The following ITPR1 variants were observed in gnomAD, a reference collection of about 807,000 sequenced individuals.
The protein encoded by ITPR1 is inositol 1,4,5-trisphosphate-gated calcium channel ITPR1.
ITPR1 carries 96 observed loss-of-function variants against 318.4 expected under a neutral mutation model. The ratio of observed to expected loss-of-function variants is 0.30; its 90% CI spans 0.26 to 0.36. The LOEUF (loss-of-function observed/expected upper bound fraction) is 0.36, where lower values mean the gene tolerates loss of function less well. ITPR1 is among the 10% of genes least tolerant of loss of function. The probability of loss-of-function intolerance (pLI) is 1.00; values close to 1 mark genes in which losing one functional copy is unlikely to be tolerated. For synonymous variants in ITPR1, 1,312 were observed against 1,289.9 expected (o/e 1.02, Z -0.37); for missense variants, 2,440 against 3,460.2 (o/e 0.71, Z 7.40).
chr3:4,662,159 G>A lies in ITPR1; in HGVS notation c.1329G>A (p.Leu443=). ...VPVSPAEVRD[L]DFANDASKVL... ...TTTCTCCTGCTGAAGTTCGGGACCT[G>A]GACTTTGCCAATGATGCCAGCAAGG... is the stretch of plus-strand genomic sequence containing the variant. Residue 443 remains leucine (L), a synonymous_variant, in exon 15 of 62, where the codon CTG becomes CTA. Coordinates refer to ENST00000649015, the MANE Select transcript of ITPR1 (RefSeq NM_001378452.1). The A allele has an allele frequency of 6.2e-7, 1 of 1,613,630 alleles. No homozygotes were observed. The highest frequency in any genetic ancestry group is 8.5e-7 in the Non-Finnish European group (1 of 1,179,636).
chr3:4,676,915 T>C, intron 24 of ITPR1, 114 bp downstream of exon 24: 1 of 724,256 alleles, frequency 1.4e-6, no homozygotes, highest in Non-Finnish European at 2.3e-6. Flanking sequence ...TGGGGGCAAA[T>C]CCTTAGCTCA....
At chr3:4,621,135 A>G (rs1026552768) in intron 4 of ITPR1, among the ~76,000 whole-genome samples, 1 of 152,068 alleles carries the variant, frequency 6.6e-6, no homozygotes, top group African/African-American at 2.4e-5. Flanking sequence ...CCATCACTGT[A>G]TTAGCGTAAT....
intron 4 of ITPR1, among the ~76,000 whole-genome samples, chr3:4,524,200 T>C (rs1478656378): frequency 6.6e-6 from 1 of 151,616 alleles, no homozygotes; most frequent in Non-Finnish European, 1.5e-5. Flanking sequence ...GCAGGCTGCC[T>C]CAGTGCTGGA....
intron 44 of ITPR1, among the ~76,000 whole-genome samples, chr3:4,756,783 C>T (rs1348348678): frequency 6.6e-6 from 1 of 152,216 alleles, no homozygotes; most frequent in Non-Finnish European, 1.5e-5. Context: ...CCAGAACCAA[C>T]TAGAATTATC....
At chr3:4,796,517 G>A (rs1224950876) in intron 53 of ITPR1, among the ~76,000 whole-genome samples, 1 of 152,186 alleles carries the variant, frequency 6.6e-6, no homozygotes, top group Non-Finnish European at 1.5e-5. Context: ...AAGTTGTCAT[G>A]TTCCTCACGG....
chr3:4,545,864 AT>A (rs1361012439), intron 4 of ITPR1, among the ~76,000 whole-genome samples: 1 of 151,668 alleles, frequency 6.6e-6, no homozygotes, highest in East Asian at 1.9e-4. Flanking sequence ...TGCTTGGCTA[AT>A]TTTTAATTTT....
chr3:4,548,456 C>T (rs980947311), intron 4 of ITPR1, among the ~76,000 whole-genome samples: 3 of 152,152 alleles, frequency 2.0e-5, no homozygotes, highest in African/African-American at 7.2e-5. Flanking sequence ...TGGCATGTGA[C>T]TTTAATTTGG....
chr3:4,735,251 A>G lies in ITPR1; in HGVS notation c.5441A>G (p.Asn1814Ser), dbSNP rs200927261. Reference sequence around the variant, plus strand: ...CACCTTGACAAGGAGGGGGCTTCCAATCTAGTTATCGACCTCATCATGAAC... The same window carrying G: ...CACCTTGACAAGGAGGGGGCTTCCAGTCTAGTTATCGACCTCATCATGAAC... ...QCHLDKEGASNLVIDLIMNAS... is the reference protein window; with the variant it reads ...QCHLDKEGASSLVIDLIMNAS... Residue 1814 changes from asparagine to serine, a missense_variant, in exon 44 of 62, where the codon AAT becomes AGT. Transcript: ENST00000649015. 8.8e-5 allele frequency: 142 copies of G among 1,613,808 alleles called. No homozygotes were observed. In the Admixed American group the frequency reaches 1.0e-3, roughly 11 times the overall value.
intron 54 of ITPR1, 143 bp from the exon 55 acceptor site, chr3:4,805,960 C>G: frequency 4.7e-6 from 3 of 636,848 alleles, no homozygotes; most frequent in Non-Finnish European, 7.9e-6. Context: ...TGGGTCTTGG[C>G]GGGTTTGGTG....
intron 52 of ITPR1, among the ~76,000 whole-genome samples, chr3:4,791,864 G>T (rs965507336): frequency 4.3e-4 from 65 of 152,324 alleles, no homozygotes; most frequent in African/African-American, 1.4e-3. Flanking sequence ...AGAGATTGGG[G>T]GATGGGGAGA....
intron 24 of ITPR1, among the ~76,000 whole-genome samples, chr3:4,679,397 C>T (rs531326582): frequency 6.6e-6 from 1 of 152,314 alleles, no homozygotes; most frequent in Non-Finnish European, 1.5e-5. Context: ...TGGTGTGATT[C>T]AGCCTGAGTC....
intron 4 of ITPR1, among the ~76,000 whole-genome samples, chr3:4,571,364 A>G (rs1269743515): frequency 6.6e-6 from 1 of 151,740 alleles, no homozygotes; most frequent in African/African-American, 2.4e-5. Flanking sequence ...TTCTTTGGAA[A>G]GGGTCTTGCT....
chr3:4,619,346 C>T (rs1470787208), intron 4 of ITPR1, among the ~76,000 whole-genome samples: 1 of 152,180 alleles, frequency 6.6e-6, no homozygotes, highest in Non-Finnish European at 1.5e-5. Context: ...TCCATACCTT[C>T]AGTTTCTTTT....
At chr3:4,759,093 T>G (rs574210256) in intron 44 of ITPR1, among the ~76,000 whole-genome samples, 99 of 152,338 alleles carry the variant, frequency 6.5e-4, no homozygotes, top group African/African-American at 2.2e-3. Flanking sequence ...CATCCAGTGA[T>G]AATTCCAGGC....
At chr3:4,588,999 C>T (rs376482446) in intron 4 of ITPR1, among the ~76,000 whole-genome samples, 1 of 152,146 alleles carries the variant, frequency 6.6e-6, no homozygotes, top group African/African-American at 2.4e-5. Flanking sequence ...ACCATTGTTT[C>T]CCAGACTTCT....
chr3:4,616,812 G>A (rs2092407522), intron 4 of ITPR1, among the ~76,000 whole-genome samples: 1 of 151,956 alleles, frequency 6.6e-6, no homozygotes, highest in African/African-American at 2.4e-5. Context: ...CTGGATGCAC[G>A]GGAAACTCCT....
chr3:4,551,179 T>C (rs951740798), intron 4 of ITPR1, among the ~76,000 whole-genome samples: 2 of 152,240 alleles, frequency 1.3e-5, no homozygotes, highest in African/African-American at 4.8e-5. Flanking sequence ...GTGCCTTTTC[T>C]GCAACATGTG....
intron 4 of ITPR1, among the ~76,000 whole-genome samples, chr3:4,536,319 T>A (rs952591753): frequency 2.0e-5 from 3 of 152,252 alleles, no homozygotes; most frequent in Non-Finnish European, 4.4e-5. Context: ...GATAACTATC[T>A]AATAGAATTG....
chr3:4,621,167 AATACAAGAT>A (rs781417720), intron 4 of ITPR1, among the ~76,000 whole-genome samples: 5 of 152,146 alleles, frequency 3.3e-5, no homozygotes, highest in Non-Finnish European at 7.4e-5. Flanking sequence ...GCTACAGAGA[AATACAAGAT>A]ATACAAGAGG....
Sources: allele counts gnomAD v4.1 joint callset (sites outside exome capture counted in the v4.1 genomes callset), GRCh38; gene constraint gnomAD v4.1.1; transcripts MANE v1.5; gene names NCBI Gene and HGNC (gene_info 2026-07-23, HGNC 2026-07-21).